Variants in RAD51B observed in about 807,000 individuals in gnomAD.
The protein encoded by RAD51B is DNA repair protein RAD51 homolog 2.
RAD51B carries 38 observed loss-of-function variants against 42.2 expected under a neutral mutation model. The observed-to-expected ratio is 0.90, with a 90% CI of 0.70 to 1.18. The LOEUF (loss-of-function observed/expected upper bound fraction) is 1.18. Among genes scored for constraint, RAD51B ranks in the 50% most tolerant of loss-of-function variants. RAD51B has a pLI of 0.00. For missense variants in RAD51B, 373 were observed against 400.7 expected, an observed-to-expected ratio of 0.93 and a Z score of 0.59; for synonymous variants, 154 against 145.2, an observed-to-expected ratio of 1.06 and a Z score of -0.43.
intron 10 of RAD51B, among the ~76,000 whole-genome samples, chr14:68,509,339 A>G (rs1369365607): frequency 6.6e-6 from 1 of 152,248 alleles, no homozygotes; most frequent in Non-Finnish European, 1.5e-5. Flanking sequence ...TCCCATGGAC[A>G]GAGGACCATG....
Position 68,377,595 on chromosome 14 carries a change from G to A in RAD51B, c.854-33829G>A, listed in dbSNP as rs542644268. 3.2e-3 allele frequency among the ~76,000 whole-genome samples: 483 copies of A among 152,252 alleles called. 2 individuals are homozygous for A. Among genetic ancestry groups the A allele is most frequent in the African/African-American group, 0.011 (456 of 41,556 alleles). ...GCCACACCCACATCACTTCCCCTTC[G>A]AACCTTCTCGCCTCCATCTGCTTCC... is the stretch of plus-strand genomic sequence containing the variant. On this transcript the variant is annotated intron_variant, in intron 8 of 10. Coordinates refer to ENST00000471583, the MANE Select transcript of RAD51B (RefSeq NM_133510.4).
Position 68,299,654 on chromosome 14 carries a change from T to C in RAD51B, c.853+7674T>C, listed in dbSNP as rs115269454. ...TGTATTAATTATCCCATTTTGTAGA[T>C]GAAGGAACTGGGGCTTAGAAGGCTA... On this transcript the variant is annotated intron_variant, in intron 8 of 10. Transcript: ENST00000471583. 2.7e-3 allele frequency among the ~76,000 whole-genome samples: 409 copies of C among 152,254 alleles called. 2 individuals are homozygous for C. Among genetic ancestry groups the C allele is most frequent in the African/African-American group, 9.4e-3 (390 of 41,544 alleles).
At chr14:68,237,732 CTTTTTTT>C (rs57490316) in intron 7 of RAD51B, among the ~76,000 whole-genome samples, 3 of 74,096 alleles carry the variant, frequency 4.0e-5, no homozygotes, top group East Asian at 2.9e-4. Context: ...TTTCATTTCT[CTTTTTTT>C]TTTTTTTTTT....
At chr14:68,398,409 C>T (rs2083988896) in intron 8 of RAD51B, among the ~76,000 whole-genome samples, 1 of 152,156 alleles carries the variant, frequency 6.6e-6, no homozygotes, top group South Asian at 2.1e-4. Context: ...GGAAACACAG[C>T]AGAGTGTGAA....
chr14:67,876,436 T>C (rs1221356635), intron 5 of RAD51B, among the ~76,000 whole-genome samples: 2 of 152,216 alleles, frequency 1.3e-5, no homozygotes, highest in Non-Finnish European at 2.9e-5. Flanking sequence ...TGCTCCTTAA[T>C]TGACATATGC....
intron 11 of RAD51B, among the ~76,000 whole-genome samples, chr14:68,660,492 A>T (rs903824992): frequency 2.6e-5 from 4 of 152,250 alleles, no homozygotes; most frequent in African/African-American, 9.6e-5. Context: ...ATGGATTCAG[A>T]GAATCAGAGG....
At chr14:68,479,782 C>T (rs1883028438), downstream of RAD51B, among the ~76,000 whole-genome samples, 1 of 147,918 alleles carries the variant, frequency 6.8e-6, no homozygotes, top group Non-Finnish European at 1.5e-5. Flanking sequence ...AATACTCCAA[C>T]CTCAGCCTCC....
intron 7 of RAD51B, among the ~76,000 whole-genome samples, chr14:68,094,292 C>T (rs370089462): frequency 6.6e-6 from 1 of 152,168 alleles, no homozygotes; most frequent in Non-Finnish European, 1.5e-5. Context: ...GTCACATTTA[C>T]ATTCAGGCCT....
intron 7 of RAD51B, among the ~76,000 whole-genome samples, chr14:68,257,252 A>G (rs972471762): frequency 6.6e-6 from 1 of 152,214 alleles, no homozygotes; most frequent in Non-Finnish European, 1.5e-5. Context: ...TGGGAATAAG[A>G]AAACATTTTG....
At chr14:68,004,119 T>C (rs1225564285) in intron 7 of RAD51B, among the ~76,000 whole-genome samples, 2 of 151,964 alleles carry the variant, frequency 1.3e-5, no homozygotes, top group African/African-American at 2.4e-5. Context: ...TCACAAGGTC[T>C]GGAGATCAAG....
exon 11 of RAD51B, chr14:68,595,386 A>G: frequency 9.4e-7 from 1 of 1,066,456 alleles, no homozygotes. Context: ...TTTTGTCTGA[A>G]ATAATGCATC....
intron 7 of RAD51B, among the ~76,000 whole-genome samples, chr14:68,069,907 G>A (rs2076713731): frequency 1.3e-5 from 2 of 152,118 alleles, no homozygotes; most frequent in South Asian, 2.1e-4. Flanking sequence ...CTCACCAGCA[G>A]TGTACAAGCA....
At chr14:67,891,616 T>G (rs2043222069) in intron 7 of RAD51B, among the ~76,000 whole-genome samples, 1 of 152,064 alleles carries the variant, frequency 6.6e-6, no homozygotes, top group South Asian at 2.1e-4. Flanking sequence ...TTTTTCCTCT[T>G]TTTAATGGTG....
intron 7 of RAD51B, among the ~76,000 whole-genome samples, chr14:67,942,514 C>T (rs750870520): frequency 6.6e-6 from 1 of 152,168 alleles, no homozygotes; most frequent in Non-Finnish European, 1.5e-5. Context: ...ATGGTGAAAT[C>T]TGCTGATGAC....
At chr14:68,141,834 G>A (rs1457762708) in intron 7 of RAD51B, among the ~76,000 whole-genome samples, 1 of 152,138 alleles carries the variant, frequency 6.6e-6, no homozygotes, top group Non-Finnish European at 1.5e-5. Flanking sequence ...CCTAACTCAT[G>A]TTTATCCTTT....
At chr14:67,939,322 A>T (rs1419405056) in intron 7 of RAD51B, among the ~76,000 whole-genome samples, 1 of 152,208 alleles carries the variant, frequency 6.6e-6, no homozygotes, top group Non-Finnish European at 1.5e-5. Context: ...TTACTCTAGG[A>T]TGTGAGCTTT....
At chr14:68,545,494 C>T in intron 10 of RAD51B, 1 of 452,802 alleles carries the variant, frequency 2.2e-6, no homozygotes, top group Non-Finnish European at 4.4e-6. Context: ...ACAATATTGC[C>T]CTTGTCTTTA....
chr14:68,607,853 G>A (rs1180495141), intron 10 of RAD51B, among the ~76,000 whole-genome samples: 1 of 152,124 alleles, frequency 6.6e-6, no homozygotes. Flanking sequence ...TCGATTACCC[G>A]GGAGGACAGG....
chr14:68,393,730 A>C (rs974320376), intron 8 of RAD51B, among the ~76,000 whole-genome samples: 1 of 152,220 alleles, frequency 6.6e-6, no homozygotes, highest in Non-Finnish European at 1.5e-5. Context: ...ATGGAGGCCT[A>C]GCCCCAGGTA....
Sources: allele counts gnomAD v4.1 joint callset (sites outside exome capture counted in the v4.1 genomes callset), GRCh38; gene constraint gnomAD v4.1.1; transcripts MANE v1.5; gene names NCBI Gene and HGNC (gene_info 2026-07-23, HGNC 2026-07-21).